Variants in LRRN1 observed in about 807,000 individuals in gnomAD.
LRRN1 encodes the protein leucine rich repeat neuronal 1.
A neutral mutation model predicts 45.8 loss-of-function variants in LRRN1; 14 were observed. The ratio of observed to expected loss-of-function variants is 0.31; its 90% CI spans 0.20 to 0.48. LRRN1 has a LOEUF of 0.48. LRRN1 is among the 20% of genes least tolerant of loss of function. LRRN1 has a pLI of 0.99. For missense variants in LRRN1, 789 were observed against 874.2 expected (o/e 0.90, Z 1.23); for synonymous variants, 359 against 330.1 (o/e 1.09, Z -0.95).
In LRRN1 at chr3:3,849,261, A is replaced by C. The variant is rs1228768412; in HGVS notation, c.*2469A>C. ...TCAGCCGTTTCTCCATTCTGAAGAT[A>C]TAGCAAGCACCGGGAAATCTAAGAT... is the stretch of plus-strand genomic sequence containing the variant. On this transcript the variant is annotated 3_prime_UTR_variant, in exon 2 of 2. Transcript: ENST00000319331. 1.3e-5 allele frequency among the ~76,000 whole-genome samples: 2 copies of C among 152,218 alleles called. No individual in the cohort carries two copies. The highest frequency in any genetic ancestry group is 4.8e-5 in the African/African-American group (2 of 41,458).
rs1692801495 is a variant in LRRN1, at chr3:3,808,120, G to C, written c.-279+8201G>C. Among the ~76,000 whole-genome samples the C allele has an allele frequency of 2.0e-5, 3 of 152,330 alleles. 1 individual carries two copies. The South Asian group carries it at 6.2e-4, about 32-fold the overall frequency. Reference sequence around the variant, plus strand: ...CAAATGGCTTCACTACCAGGATTGAGCACTGGAGCGGAGATTAGTTCTATG... The same window carrying C: ...CAAATGGCTTCACTACCAGGATTGACCACTGGAGCGGAGATTAGTTCTATG... On this transcript the variant is annotated intron_variant, in intron 1 of 1. Transcript: ENST00000319331.
intron 1 of LRRN1, among the ~76,000 whole-genome samples, chr3:3,834,525 G>GACATATATATATATATAT (rs750534210): frequency 0.079 from 2,159 of 27,228 alleles, 204 homozygotes; most frequent in Middle Eastern, 0.11. Flanking sequence ...GACAGAACAG[G>GACATATATATATATATAT]ATATATATAT....
intron 1 of LRRN1, among the ~76,000 whole-genome samples, chr3:3,801,975 TAGA>T (rs1450164347): frequency 1.3e-5 from 2 of 152,230 alleles, no homozygotes; most frequent in Non-Finnish European, 2.9e-5. Context: ...TTCATTATAG[TAGA>T]AGATCGTTGT....
At chr3:3,802,185 G>T (rs1324635869) in intron 1 of LRRN1, among the ~76,000 whole-genome samples, 1 of 152,204 alleles carries the variant, frequency 6.6e-6, no homozygotes, top group Non-Finnish European at 1.5e-5. Context: ...GTAGACTCTG[G>T]AGCAAGGGCC....
intron 1 of LRRN1, among the ~76,000 whole-genome samples, chr3:3,828,917 C>T (rs1313041073): frequency 6.6e-6 from 1 of 152,022 alleles, no homozygotes. Context: ...TTGATGACTA[C>T]CTTCTTGTAC....
intron 1 of LRRN1, among the ~76,000 whole-genome samples, chr3:3,822,137 C>T (rs982409961): frequency 1.3e-5 from 2 of 152,180 alleles, no homozygotes; most frequent in Non-Finnish European, 2.9e-5. Context: ...TTTTCTGAGT[C>T]TCCATTCCAT....
In LRRN1 at chr3:3,846,284, A is replaced by G. The variant is rs144158765; in HGVS notation, c.1643A>G (p.Asn548Ser). 6.2e-5 allele frequency: 100 copies of G among 1,613,964 alleles called. No homozygotes were observed. Among genetic ancestry groups the G allele is most frequent in the East Asian group, 1.6e-4 (7 of 44,894 alleles). The change falls in exon 2 of 2, where the codon AAT (asparagine) becomes AGT (serine). Residue 548 changes from asparagine to serine, a missense_variant. Physicochemically the swap from Asn to Ser is conservative, Grantham distance 46. Transcript: ENST00000319331. This position sits in a 1 kb window ranked among gnomAD's most constrained non-coding sequence, Gnocchi z 5.7. ...SILVSWKVNS[N>S]VMTSNLKWSS... The stretch of plus-strand genomic sequence containing the variant: ...TTAGTGTCCTGGAAAGTTAATTCCA[A>G]TGTCATGACGTCAAACTTAAAATGG...
At chr3:3,838,571 A>G (rs1693577655) in intron 1 of LRRN1, among the ~76,000 whole-genome samples, 1 of 152,146 alleles carries the variant, frequency 6.6e-6, no homozygotes, top group Non-Finnish European at 1.5e-5. Context: ...TCGTATGGTG[A>G]TTATATTTTC....
intron 1 of LRRN1, among the ~76,000 whole-genome samples, chr3:3,829,714 A>G (rs1195584668): frequency 1.3e-5 from 2 of 152,222 alleles, no homozygotes; most frequent in Middle Eastern, 3.2e-3. Context: ...CTTTAGCCGT[A>G]AAGTGAGTGT....
intron 1 of LRRN1, among the ~76,000 whole-genome samples, chr3:3,843,001 G>A (rs1393702840): frequency 3.9e-5 from 6 of 152,306 alleles, no homozygotes; most frequent in Admixed American, 1.3e-4. Context: ...TCTTTTACTT[G>A]TCATCTGACA....
At chr3:3,800,658 CA>C (rs1441582973) in intron 1 of LRRN1, 278 of 25,752 alleles carry the variant, frequency 0.011, 67 homozygotes, top group Non-Finnish European at 0.022. Context: ...CACGCGGGGA[CA>C]GACCTCAGCC....
chr3:3,832,525 T>G (rs1693394422), intron 1 of LRRN1, among the ~76,000 whole-genome samples: 1 of 152,200 alleles, frequency 6.6e-6, no homozygotes, highest in African/African-American at 2.4e-5. Flanking sequence ...GGGATCAACA[T>G]CAGCTCAGAG....
chr3:3,805,540 T>C (rs949854064), intron 1 of LRRN1, among the ~76,000 whole-genome samples: 8 of 152,122 alleles, frequency 5.3e-5, no homozygotes, highest in African/African-American at 1.9e-4. Context: ...CGTTAAAGGA[T>C]CCAGGAACAC....
In LRRN1 at chr3:3,846,683, A is replaced by G. The variant is rs749334597; in HGVS notation, c.2042A>G (p.Tyr681Cys). ...KTSSIPLNELYPPLINLWEGD... is the reference protein window; with the variant it reads ...KTSSIPLNELCPPLINLWEGD... ...TCTTCAATCCCACTAAATGAGCTGTACCCACCACTCATTAACCTCTGGGAA... is the reference window on the plus strand; with the variant it reads ...TCTTCAATCCCACTAAATGAGCTGTGCCCACCACTCATTAACCTCTGGGAA... The change falls in exon 2 of 2, where the codon TAC (tyrosine) becomes TGC (cysteine). Residue 681 changes from tyrosine to cysteine, a missense_variant. By Grantham distance (194) the Tyr-to-Cys change is radical. Coordinates refer to ENST00000319331, the MANE Select transcript of LRRN1 (RefSeq NM_020873.7). The surrounding 1 kb of genome is among the most constrained non-coding windows in gnomAD (Gnocchi z 5.7). 1 of 1,613,900 alleles carries G rather than the reference A, an allele frequency of 6.2e-7. No homozygotes were observed. Among genetic ancestry groups the G allele is most frequent in the Admixed American group, 1.7e-5 (1 of 60,014 alleles).
At chr3:3,807,698 A>T (rs1692794523) in intron 1 of LRRN1, among the ~76,000 whole-genome samples, 1 of 152,320 alleles carries the variant, frequency 6.6e-6, no homozygotes, top group Admixed American at 6.5e-5. Flanking sequence ...AGAGTTAGGT[A>T]GGACTTCAAC....
intron 1 of LRRN1, among the ~76,000 whole-genome samples, chr3:3,821,239 C>G (rs1006101995): frequency 2.0e-5 from 3 of 152,126 alleles, no homozygotes; most frequent in Admixed American, 2.0e-4. Flanking sequence ...TAATTCCAGT[C>G]AATTGAAATA....
chr3:3,817,668 C>T (rs1465015379), intron 1 of LRRN1, among the ~76,000 whole-genome samples: 1 of 151,802 alleles, frequency 6.6e-6, no homozygotes, highest in African/African-American at 2.4e-5. Flanking sequence ...CTAAAGGCTC[C>T]CGTCTTAAGG....
chr3:3,805,125 G>A (rs912519528), intron 1 of LRRN1, among the ~76,000 whole-genome samples: 1 of 152,096 alleles, frequency 6.6e-6, no homozygotes, highest in East Asian at 1.9e-4. Flanking sequence ...AATTTGCAGG[G>A]GGACAGTGGG....
chr3:3,819,866 A>G (rs1363327181), intron 1 of LRRN1, among the ~76,000 whole-genome samples: 4 of 152,126 alleles, frequency 2.6e-5, no homozygotes, highest in African/African-American at 9.7e-5. Flanking sequence ...ATATTAACTC[A>G]TTTCATCTTT....
Sources: allele counts gnomAD v4.1 joint callset (sites outside exome capture counted in the v4.1 genomes callset), GRCh38; gene constraint gnomAD v4.1.1; non-coding constraint Gnocchi (gnomAD v3.1); transcripts MANE v1.5; gene names NCBI Gene and HGNC (gene_info 2026-07-23, HGNC 2026-07-21).